The following GRID2 variants were observed in gnomAD, a reference collection of about 807,000 sequenced individuals.
The protein encoded by GRID2 is glutamate ionotropic receptor delta type subunit 2.
GRID2 carries 33 observed loss-of-function variants against 114.8 expected under a neutral mutation model. The observed-to-expected ratio is 0.29, with a 90% CI of 0.22 to 0.38. The LOEUF (loss-of-function observed/expected upper bound fraction) is 0.38. GRID2 is among the 10% of genes least tolerant of loss of function. The pLI, the probability that GRID2 is intolerant of heterozygous loss-of-function variation, is 1.00. For missense variants in GRID2, 1,184 were observed against 1,257.7 expected (o/e 0.94, Z 0.89); for synonymous variants, 505 against 449.9 (o/e 1.12, Z -1.55).
intron 8 of GRID2, among the ~76,000 whole-genome samples, chr4:93,369,954 T>C (rs967052526): frequency 1.3e-5 from 2 of 152,192 alleles, no homozygotes; most frequent in African/African-American, 4.8e-5. Context: ...AGGTTAGGCT[T>C]CATACAGTCA....
intron 14 of GRID2, among the ~76,000 whole-genome samples, chr4:93,718,369 A>G (rs1027225796): frequency 6.6e-6 from 1 of 152,218 alleles, no homozygotes; most frequent in Non-Finnish European, 1.5e-5. Context: ...ACCTCTGAGA[A>G]TAGTCATTTT....
intron 4 of GRID2, among the ~76,000 whole-genome samples, chr4:93,119,130 A>G (rs1038038416): frequency 3.9e-5 from 6 of 152,176 alleles, no homozygotes; most frequent in African/African-American, 1.2e-4. Context: ...AATACATTAA[A>G]TGTCTACACT....
At chr4:92,839,732 C>T (rs1348315457) in intron 2 of GRID2, among the ~76,000 whole-genome samples, 1 of 151,798 alleles carries the variant, frequency 6.6e-6, no homozygotes. Context: ...GACTTGTGAC[C>T]TAAAATCTAG....
intron 14 of GRID2, among the ~76,000 whole-genome samples, chr4:93,718,370 T>A (rs959633866): frequency 1.3e-5 from 2 of 152,194 alleles, no homozygotes; most frequent in Non-Finnish European, 1.5e-5. Context: ...CCTCTGAGAA[T>A]AGTCATTTTA....
intron 2 of GRID2, among the ~76,000 whole-genome samples, chr4:92,598,570 GAT>G (rs1322444852): frequency 6.6e-6 from 1 of 152,030 alleles, no homozygotes; most frequent in Non-Finnish European, 1.5e-5. Context: ...CATGGAATTA[GAT>G]ACCTGCCTTT....
chr4:93,221,028 G>A (rs558104735), intron 6 of GRID2, among the ~76,000 whole-genome samples: 1 of 152,126 alleles, frequency 6.6e-6, no homozygotes, highest in Non-Finnish European at 1.5e-5. Context: ...GAAGAATCCT[G>A]GTTTGACAGC....
chr4:93,390,988 A>T (rs574833329), intron 8 of GRID2, among the ~76,000 whole-genome samples: 9 of 151,826 alleles, frequency 5.9e-5, no homozygotes, highest in Non-Finnish European at 1.3e-4. Context: ...GAACCATGTG[A>T]TTTTTTTTCT....
At chr4:93,737,569 T>TA (rs1408972753) in intron 14 of GRID2, among the ~76,000 whole-genome samples, 3 of 151,842 alleles carry the variant, frequency 2.0e-5, no homozygotes, top group African/African-American at 7.3e-5. Flanking sequence ...TATAAAAAAT[T>TA]AAAAAATAAA....
chr4:92,726,193 G>T (rs1314811029), intron 2 of GRID2, among the ~76,000 whole-genome samples: 1 of 151,994 alleles, frequency 6.6e-6, no homozygotes, highest in African/African-American at 2.4e-5. Context: ...AGATAGGAGA[G>T]GGACAAATGG....
intron 7 of GRID2, among the ~76,000 whole-genome samples, chr4:93,234,348 A>G (rs1349817222): frequency 1.3e-5 from 2 of 152,036 alleles, no homozygotes; most frequent in Non-Finnish European, 2.9e-5. Context: ...TTGAACACAC[A>G]GTTTACATAG....
At chr4:93,052,212 G>A (rs1726784131) in intron 2 of GRID2, among the ~76,000 whole-genome samples, 1 of 151,794 alleles carries the variant, frequency 6.6e-6, no homozygotes, top group African/African-American at 2.4e-5. Context: ...TGTGATGATG[G>A]AACTTATATC....
intron 4 of GRID2, among the ~76,000 whole-genome samples, chr4:93,138,186 G>A (rs988369771): frequency 5.9e-5 from 9 of 151,812 alleles, no homozygotes; most frequent in African/African-American, 1.9e-4. Context: ...TGTTGCCCAG[G>A]CTGGTCTTGA....
At chr4:93,531,032 G>C (rs7695464) in intron 13 of GRID2, among the ~76,000 whole-genome samples, 4,508 of 152,132 alleles carry the variant, frequency 0.03, 234 homozygotes, top group African/African-American at 0.1. Flanking sequence ...GTCTTGTCTG[G>C]TATGTTTATG....
intron 10 of GRID2, among the ~76,000 whole-genome samples, chr4:93,436,600 A>G (rs1382665554): frequency 6.6e-6 from 1 of 152,190 alleles, no homozygotes; most frequent in East Asian, 1.9e-4. Flanking sequence ...GGGCTTAAAA[A>G]CAATAGAATA....
intron 8 of GRID2, among the ~76,000 whole-genome samples, chr4:93,381,354 C>T (rs2149308591): frequency 6.6e-6 from 1 of 152,228 alleles, no homozygotes; most frequent in East Asian, 1.9e-4. Context: ...TGATTCATTT[C>T]ACTTAGCATA....
rs1288015998 is a variant in GRID2, at chr4:93,517,947, A to ACG, written c.2193+2537_2193+2538insGC. Among the ~76,000 whole-genome samples the ACG allele has an allele frequency of 3.0e-3, 100 of 33,160 alleles. 1 individual carries two copies. The highest frequency in any genetic ancestry group is 4.5e-3 in the Admixed American group (18 of 3,962). 21.8% of individuals were successfully genotyped at this position (33,160 alleles called of 152,430 possible). A position where few individuals can be genotyped will look rare whatever the true frequency, so the allele number is the denominator to read the frequency against. On this transcript the variant is annotated intron_variant, in intron 13 of 15. Transcript: ENST00000282020. ...ATACTATATATGTATGTATATACAT[A>ACG]CATGTATATGTATGTATATACATAC...
chr4:93,792,926 T>A (rs1734723804), intron 1 of GRID2, among the ~76,000 whole-genome samples: 1 of 152,186 alleles, frequency 6.6e-6, no homozygotes, highest in Admixed American at 6.5e-5. Flanking sequence ...CTGCTCCAGG[T>A]AGGACGTCAG....
intron 2 of GRID2, among the ~76,000 whole-genome samples, chr4:92,930,047 A>T (rs955193285): frequency 4.6e-5 from 7 of 151,272 alleles, no homozygotes; most frequent in African/African-American, 1.7e-4. Context: ...TGCCCACCAC[A>T]GAAGAAGAAA....
intron 2 of GRID2, among the ~76,000 whole-genome samples, chr4:93,004,584 T>C (rs188721738): frequency 3.6e-4 from 54 of 152,106 alleles, no homozygotes; most frequent in Admixed American, 3.1e-3. Context: ...CAGGCAAAAG[T>C]GTTGTTCTAC....
Sources: allele counts gnomAD v4.1 joint callset (sites outside exome capture counted in the v4.1 genomes callset), GRCh38; gene constraint gnomAD v4.1.1; transcripts MANE v1.5; gene names NCBI Gene and HGNC (gene_info 2026-07-23, HGNC 2026-07-21).